FHOD3: variants seen among roughly 807,000 people sequenced by gnomAD.
The protein encoded by FHOD3 is formin homology 2 domain containing 3, also known as FH1/FH2 domain-containing protein 3.
In FHOD3, 90 loss-of-function variants were observed where a neutral mutation model predicts 173.0. The observed-to-expected ratio is 0.52, with a 90% CI of 0.44 to 0.62. The LOEUF (loss-of-function observed/expected upper bound fraction) is 0.62. Among genes scored for constraint, FHOD3 ranks in the 20% least tolerant of loss-of-function variants. The pLI is 0.00. For missense variants in FHOD3, 1,945 were observed against 2,034.7 expected, an observed-to-expected ratio of 0.96 and a Z score of 0.85; for synonymous variants, 828 against 823.0, an observed-to-expected ratio of 1.01 and a Z score of -0.10.
At chr18:36,593,676 C>T (rs1167015725) in intron 6 of FHOD3, among the ~76,000 whole-genome samples, 1 of 152,164 alleles carries the variant, frequency 6.6e-6, no homozygotes, top group Non-Finnish European at 1.5e-5. Context: ...ACCAGTGATA[C>T]AGGCTCAAGG....
rs895651528 is a variant in FHOD3 at position 36,709,079 on chromosome 18, T to C, written c.2237-16T>C. ...AAATCTGTCGTCAATATAATCTCCA[T>C]TGTTGTCTCCACCAGCAAGTGCCGG... On this transcript the variant is annotated splice_polypyrimidine_tract_variant and intron_variant, in intron 17 of 28. Coordinates refer to ENST00000590592, the MANE Select transcript of FHOD3 (RefSeq NM_001281740.3). The C allele has an allele frequency of 6.2e-6, 10 of 1,609,888 alleles. No individual in the cohort carries two copies. The African/African-American group carries it at 9.4e-5, about 15-fold the overall frequency.
chr18:36,758,534 G>A (rs960484925), intron 25 of FHOD3, among the ~76,000 whole-genome samples: 2 of 152,082 alleles, frequency 1.3e-5, no homozygotes, highest in East Asian at 1.9e-4. Flanking sequence ...ATGTGAACAC[G>A]CTGCTGGAGC....
At chr18:36,459,883 G>A (rs1230356518) in intron 3 of FHOD3, among the ~76,000 whole-genome samples, 1 of 151,922 alleles carries the variant, frequency 6.6e-6, no homozygotes, top group African/African-American at 2.4e-5. Flanking sequence ...CCTCTTCCAG[G>A]ATTCTGTCCA....
chr18:36,346,489 T>A (rs144289573), intron 1 of FHOD3, among the ~76,000 whole-genome samples: 3 of 152,294 alleles, frequency 2.0e-5, no homozygotes, highest in African/African-American at 4.8e-5. Flanking sequence ...GTATCACCAG[T>A]TACTAATTTG....
At chr18:36,316,339 C>G (rs1327475619) in intron 1 of FHOD3, among the ~76,000 whole-genome samples, 17 of 152,118 alleles carry the variant, frequency 1.1e-4, no homozygotes, top group Admixed American at 1.0e-3. Flanking sequence ...CTTCTGCCTC[C>G]TGGGGTGTGT....
chr18:36,446,570 A>G (rs1053962846), intron 3 of FHOD3, among the ~76,000 whole-genome samples: 4 of 152,146 alleles, frequency 2.6e-5, no homozygotes, highest in African/African-American at 9.7e-5. Context: ...GCAAGTCAGT[A>G]AGGGTCTGCA....
chr18:36,490,220 A>C (rs925757995), intron 3 of FHOD3, among the ~76,000 whole-genome samples: 1 of 152,070 alleles, frequency 6.6e-6, no homozygotes, highest in Non-Finnish European at 1.5e-5. Context: ...CAGCATTTTG[A>C]TCTATTAAGT....
Position 36,612,106 on chromosome 18 carries a change from A to C in FHOD3, c.957+11A>C. On this transcript the variant is annotated intron_variant, in intron 9 of 28. Coordinates refer to ENST00000590592, the MANE Select transcript of FHOD3 (RefSeq NM_001281740.3). Reference sequence around the variant, plus strand: ...CTCAACATTTATGAGGTACCAGACCATGCCTTTTGTAAGGTATCGTACAGC... The same window carrying C: ...CTCAACATTTATGAGGTACCAGACCCTGCCTTTTGTAAGGTATCGTACAGC... 1 of 1,611,384 alleles carries C rather than the reference A, an allele frequency of 6.2e-7. No individual in the cohort carries two copies. Among genetic ancestry groups the C allele is most frequent in the Non-Finnish European group, 8.5e-7 (1 of 1,178,994 alleles).
chr18:36,405,990 G>A (rs2049036434), intron 3 of FHOD3, among the ~76,000 whole-genome samples: 1 of 152,148 alleles, frequency 6.6e-6, no homozygotes, highest in South Asian at 2.1e-4. Flanking sequence ...GTAGGTTTTT[G>A]ATAATGGTGA....
At chr18:36,403,954 C>T (rs1252957483) in intron 3 of FHOD3, among the ~76,000 whole-genome samples, 2 of 152,178 alleles carry the variant, frequency 1.3e-5, no homozygotes, top group Non-Finnish European at 2.9e-5. Flanking sequence ...ATAGCTGGGG[C>T]CTTGCTCTGT....
chr18:36,756,116 G>A (rs983496529), intron 25 of FHOD3, among the ~76,000 whole-genome samples: 4 of 152,138 alleles, frequency 2.6e-5, no homozygotes, highest in African/African-American at 9.7e-5. Flanking sequence ...TTTTCTTAAT[G>A]TGCCTTTACG....
chr18:36,473,798 T>C (rs970071791), intron 3 of FHOD3, among the ~76,000 whole-genome samples: 2 of 152,240 alleles, frequency 1.3e-5, no homozygotes, highest in African/African-American at 4.8e-5. Flanking sequence ...TCAGGTCCCC[T>C]GTGCCAGTTG....
chr18:36,617,582 CCTGT>C (rs748947247), intron 9 of FHOD3, among the ~76,000 whole-genome samples: 15,193 of 61,326 alleles, frequency 0.25, 965 homozygotes, highest in Non-Finnish European at 0.34. Context: ...CTTGTACTTC[CCTGT>C]GTGTGTGTGT....
intron 3 of FHOD3, among the ~76,000 whole-genome samples, chr18:36,423,891 T>C (rs2050114899): frequency 6.6e-6 from 1 of 152,252 alleles, no homozygotes; most frequent in Non-Finnish European, 1.5e-5. Context: ...CTCAGTTCTG[T>C]ATAACACTTG....
intron 28 of FHOD3, 111 bp downstream of exon 28, chr18:36,769,537 C>A: frequency 7.3e-7 from 1 of 1,377,730 alleles, no homozygotes. Flanking sequence ...TCAGTGGCTC[C>A]CAGAGTGCCT....
chr18:36,677,600 G>A (rs191406786), intron 14 of FHOD3, among the ~76,000 whole-genome samples: 255 of 152,122 alleles, frequency 1.7e-3, no homozygotes, highest in Non-Finnish European at 2.2e-3. Flanking sequence ...CACTCCATTC[G>A]TCCATGTTTT....
At chr18:36,302,235 C>G (rs1245461758) in intron 1 of FHOD3, among the ~76,000 whole-genome samples, 1 of 152,148 alleles carries the variant, frequency 6.6e-6, no homozygotes, top group Non-Finnish European at 1.5e-5. Flanking sequence ...GTGTTCATTC[C>G]TTTCTCACTA....
chr18:36,543,744 C>T (rs1471880935), intron 5 of FHOD3, among the ~76,000 whole-genome samples: 1 of 152,178 alleles, frequency 6.6e-6, no homozygotes, highest in East Asian at 1.9e-4. Context: ...ACTGTTTTCC[C>T]TAAAACTTGT....
At chr18:36,436,256 A>G (rs1462935646) in intron 3 of FHOD3, among the ~76,000 whole-genome samples, 1 of 152,200 alleles carries the variant, frequency 6.6e-6, no homozygotes, top group Non-Finnish European at 1.5e-5. Context: ...CTTGTTCTCA[A>G]TTCCTTAAAG....
Sources: gnomAD v4.1 joint callset for allele counts (sites outside exome capture counted in the v4.1 genomes callset) on GRCh38, gnomAD v4.1.1 for gene constraint, MANE v1.5 for transcripts, NCBI Gene and HGNC (gene_info 2026-07-23, HGNC 2026-07-21) for gene names.